The following HDAC4 variants were observed in gnomAD, a reference collection of about 807,000 sequenced individuals.
HDAC4 encodes histone deacetylase A.
In HDAC4, 16 loss-of-function variants were observed where a neutral mutation model predicts 135.1. The ratio of observed to expected loss-of-function variants is 0.12; its 90% CI spans 0.08 to 0.18. The LOEUF (loss-of-function observed/expected upper bound fraction) is 0.18, where lower values mean the gene tolerates loss of function less well. Among genes scored for constraint, HDAC4 ranks in the 10% least tolerant of loss-of-function variants. The probability of loss-of-function intolerance (pLI) is 1.00; values close to 1 mark genes in which losing one functional copy is unlikely to be tolerated. For synonymous variants in HDAC4, 685 were observed against 653.4 expected, an observed-to-expected ratio of 1.05 and a Z score of -0.74; for missense variants, 1,143 against 1,511.8, an observed-to-expected ratio of 0.76 and a Z score of 4.05.
At chr2:239,248,026 C>T (rs2048565581) in intron 2 of HDAC4, among the ~76,000 whole-genome samples, 1 of 152,154 alleles carries the variant, frequency 6.6e-6, no homozygotes, top group African/African-American at 2.4e-5. Context: ...GCTGGGGCTC[C>T]CCCAGCGCCC....
At chr2:239,365,015 A>C (rs1365280664) in intron 1 of HDAC4, among the ~76,000 whole-genome samples, 3 of 152,264 alleles carry the variant, frequency 2.0e-5, no homozygotes, top group African/African-American at 7.2e-5. Flanking sequence ...GACAAAATAT[A>C]TATGAAATCA....
intron 6 of HDAC4, among the ~76,000 whole-genome samples, chr2:239,160,856 G>A (rs1396827350): frequency 3.3e-5 from 5 of 152,240 alleles, no homozygotes; most frequent in African/African-American, 1.2e-4. Context: ...GGGTTGGTGG[G>A]TATTTGTCTT....
At chr2:239,055,322 C>T (rs2031644779) in intron 24 of HDAC4, 3 of 197,748 alleles carry the variant, frequency 1.5e-5, no homozygotes, top group Admixed American at 1.1e-4. Context: ...ATCCTTCACA[C>T]CGAGTTTTTC....
intron 15 of HDAC4, among the ~76,000 whole-genome samples, chr2:239,105,860 G>A (rs1395250354): frequency 6.6e-6 from 1 of 152,212 alleles, no homozygotes; most frequent in Non-Finnish European, 1.5e-5. Flanking sequence ...TGGCAGGCTG[G>A]CACTGGAAGT....
At chr2:239,345,891 AAC>A (rs373645538) in intron 2 of HDAC4, among the ~76,000 whole-genome samples, 50 of 134,114 alleles carry the variant, frequency 3.7e-4, no homozygotes, top group Admixed American at 1.7e-3. Context: ...CACCGTCTAA[AAC>A]ACACACACAC....
chr2:239,361,140 T>C (rs1693841015), intron 1 of HDAC4, among the ~76,000 whole-genome samples: 1 of 152,168 alleles, frequency 6.6e-6, no homozygotes, highest in Non-Finnish European at 1.5e-5. Context: ...TCATTATCTG[T>C]CGGCCCCTCT....
intron 3 of HDAC4, among the ~76,000 whole-genome samples, chr2:239,203,282 A>G (rs1448248644): frequency 6.6e-6 from 1 of 152,224 alleles, no homozygotes; most frequent in Non-Finnish European, 1.5e-5. Context: ...TGCACCTGGG[A>G]AGAATCCTCC....
chr2:239,173,938 A>T (rs1328179291), intron 5 of HDAC4, among the ~76,000 whole-genome samples: 3 of 152,218 alleles, frequency 2.0e-5, no homozygotes, highest in Non-Finnish European at 2.9e-5. Flanking sequence ...CAAGCCTCCT[A>T]AACATAAAAC....
chr2:239,151,822 G>A (rs2042136037), intron 7 of HDAC4, among the ~76,000 whole-genome samples: 1 of 152,210 alleles, frequency 6.6e-6, no homozygotes, highest in South Asian at 2.1e-4. Context: ...GCCCAGGCCA[G>A]CAGCCGGGCC....
intron 11 of HDAC4, among the ~76,000 whole-genome samples, chr2:239,130,013 A>G (rs906711277): frequency 1.3e-5 from 2 of 152,246 alleles, no homozygotes; most frequent in African/African-American, 2.4e-5. Context: ...ATGAATTCAC[A>G]TGAGATGAAC....
chr2:239,052,367 T>C lies in HDAC4; in HGVS notation c.*730A>G, dbSNP rs2030989719. 6.6e-6 allele frequency: 1 copy of C among 152,314 alleles called. No homozygotes were observed. The highest frequency in any genetic ancestry group is 1.5e-5 in the Non-Finnish European group (1 of 68,036). 9.4% of individuals were successfully genotyped at this position (152,314 alleles called of 1,614,324 possible). A position where few individuals can be genotyped will look rare whatever the true frequency, so the allele number is the denominator to read the frequency against. On this transcript the variant is annotated 3_prime_UTR_variant, in exon 27 of 27. Transcript: ENST00000543185. ...CTGTTTGTTTTTTCTTAAGGCATTG[T>C]TCCTCAGACTTCAGAAAACCCAGCC... is the stretch of plus-strand genomic sequence containing the variant.
intron 2 of HDAC4, among the ~76,000 whole-genome samples, chr2:239,335,467 A>C (rs1691867357): frequency 6.6e-6 from 1 of 151,208 alleles, no homozygotes; most frequent in Admixed American, 6.6e-5. Flanking sequence ...CATAGATAAA[A>C]CTATTAAATT....
chr2:239,190,174 CGGGG>C, intron 3 of HDAC4, 97 bp from the exon 4 acceptor site: 6 of 1,070,256 alleles, frequency 5.6e-6, no homozygotes, highest in African/African-American at 2.0e-5. Context: ...CTTCACGGGG[CGGGG>C]GGGGGGTTGT....
intron 1 of HDAC4, among the ~76,000 whole-genome samples, chr2:239,360,065 G>A (rs572236288): frequency 7.2e-5 from 11 of 152,272 alleles, no homozygotes; most frequent in African/African-American, 1.9e-4. Flanking sequence ...GCGAGTGAAC[G>A]GGGTAGCTGG....
At chr2:239,392,260 C>T (rs531378499) in intron 1 of HDAC4, among the ~76,000 whole-genome samples, 4 of 152,342 alleles carry the variant, frequency 2.6e-5, no homozygotes, top group Non-Finnish European at 4.4e-5. Flanking sequence ...GGCAGGCACT[C>T]GAAAGGCGAG....
chr2:239,222,532 A>AT lies in HDAC4; in HGVS notation c.94+14060_94+14061insA, dbSNP rs1350493397. Among the ~76,000 whole-genome samples the AT allele has an allele frequency of 2.4e-3, 153 of 62,480 alleles. 2 individuals carry two copies. In the East Asian group the frequency reaches 0.087, roughly 35 times the overall value. The allele number at this position is 62,480 out of a possible 152,430, so 41.0% of individuals were successfully genotyped here. On this transcript the variant is annotated intron_variant, in intron 3 of 26. Coordinates refer to ENST00000543185, the MANE Select transcript of HDAC4 (RefSeq NM_001378414.1). ...TAAATAGAACCAGGCCTTACCCCATACCAAAAAAAAAAAAAAAAAAAATGG... is the reference window on the plus strand; with the variant it reads ...TAAATAGAACCAGGCCTTACCCCATATCCAAAAAAAAAAAAAAAAAAAATGG...
chr2:239,177,487 T>C (rs2153003599), intron 4 of HDAC4, among the ~76,000 whole-genome samples: 1 of 151,810 alleles, frequency 6.6e-6, no homozygotes, highest in East Asian at 1.9e-4. Context: ...GGGGGTGAGG[T>C]AGGGTTGGGG....
At chr2:239,369,891 T>C (rs1280047081) in intron 1 of HDAC4, among the ~76,000 whole-genome samples, 1 of 152,242 alleles carries the variant, frequency 6.6e-6, no homozygotes, top group African/African-American at 2.4e-5. Flanking sequence ...TGAAGGCTTG[T>C]ACTGAAAGTG....
At chr2:239,346,817 A>G (rs1692723271) in intron 2 of HDAC4, among the ~76,000 whole-genome samples, 1 of 121,488 alleles carries the variant, frequency 8.2e-6, no homozygotes, top group African/African-American at 2.9e-5. Context: ...TGTCTAAAAC[A>G]CACACACACC....
Sources: gnomAD v4.1 joint callset for allele counts (sites outside exome capture counted in the v4.1 genomes callset) on GRCh38, gnomAD v4.1.1 for gene constraint, MANE v1.5 for transcripts, NCBI Gene and HGNC (gene_info 2026-07-23, HGNC 2026-07-21) for gene names.